Variants in ITPR3 observed in about 807,000 individuals in gnomAD.
The protein encoded by ITPR3 is inositol 1,4,5-trisphosphate receptor type 3, also known as inositol 1,4,5-trisphosphate-gated calcium channel ITPR3.
In ITPR3, 173 loss-of-function variants were observed where a neutral mutation model predicts 293.2. The observed-to-expected ratio is 0.59, with a 90% CI of 0.52 to 0.67. The LOEUF (loss-of-function observed/expected upper bound fraction) is 0.67. Among genes scored for constraint, ITPR3 ranks in the 30% least tolerant of loss-of-function variants. The pLI, the probability that ITPR3 is intolerant of heterozygous loss-of-function variation, is 0.00. For synonymous variants in ITPR3, 1,295 were observed against 1,444.4 expected (o/e 0.90, Z 2.35); for missense variants, 2,796 against 3,592.1 (o/e 0.78, Z 5.66).
intron 28 of ITPR3, 95 bp downstream of exon 28, chr6:33,677,724 C>T (rs1764947999): frequency 1.3e-5 from 19 of 1,463,844 alleles, no homozygotes; most frequent in Non-Finnish European, 1.8e-5. Flanking sequence ...GCAACCTCTC[C>T]CAGCCTCGCC....
Position 33,672,342 on chromosome 6 carries a change from A to T in ITPR3, c.2928+114A>T. On this transcript the variant is annotated intron_variant, in intron 22 of 57. Coordinates refer to ENST00000605930, the MANE Select transcript of ITPR3 (RefSeq NM_002224.4). The surrounding 1 kb of genome is among the most constrained non-coding windows in gnomAD (Gnocchi z 5.0). ...TCAGATCTCAGTATTTAGTACTGGA[A>T]GTCTCCATCGTGACTGGCTGTCAGG... The T allele has an allele frequency of 1.1e-6, 1 of 911,344 alleles. No homozygotes were observed. The highest frequency in any genetic ancestry group is 1.7e-6 in the Non-Finnish European group (1 of 604,954). 56.5% of individuals were successfully genotyped at this position (911,344 alleles called of 1,614,324 possible). A position where few individuals can be genotyped will look rare whatever the true frequency, so the allele number is the denominator to read the frequency against.
intron 28 of ITPR3, among the ~76,000 whole-genome samples, chr6:33,678,062 A>G (rs941277853): frequency 2.6e-5 from 4 of 151,852 alleles, no homozygotes; most frequent in South Asian, 4.2e-4. Flanking sequence ...TCATCCTGAC[A>G]TCTTATGCTG....
intron 2 of ITPR3, among the ~76,000 whole-genome samples, chr6:33,643,637 C>T (rs965916312): frequency 3.9e-5 from 6 of 152,192 alleles, no homozygotes; most frequent in African/African-American, 1.4e-4. Flanking sequence ...TCTTTTCCTC[C>T]TCCTGTTGGG....
chr6:33,661,325 C>T (rs905921109), intron 7 of ITPR3, among the ~76,000 whole-genome samples: 28 of 152,244 alleles, frequency 1.8e-4, no homozygotes, highest in Admixed American at 1.1e-3. Flanking sequence ...GCCTGCTGGG[C>T]GGCAGGCTCA....
rs560536438 is a variant in ITPR3, at chr6:33,655,129, A to G, written c.161-637A>G. ...CCTAAGATGGGTGAATTCTTGAGGA[A>G]GTTCTCAGGAGAACACAGTGAGGGA... On this transcript the variant is annotated intron_variant, in intron 2 of 57. Transcript: ENST00000605930. This position sits in a 1 kb window ranked among gnomAD's most constrained non-coding sequence, Gnocchi z 4.9. 1.3e-5 allele frequency among the ~76,000 whole-genome samples: 2 copies of G among 152,354 alleles called. No homozygotes were observed. Among genetic ancestry groups the G allele is most frequent in the South Asian group, 4.1e-4 (2 of 4,826 alleles).
intron 2 of ITPR3, among the ~76,000 whole-genome samples, chr6:33,643,429 A>G (rs1225509202): frequency 6.6e-6 from 1 of 152,062 alleles, no homozygotes; most frequent in Non-Finnish European, 1.5e-5. Context: ...AAGCCCCAAC[A>G]TGTTCAGGGA....
intron 20 of ITPR3, 52 bp from the exon 21 acceptor site, chr6:33,671,113 G>A (rs928122020): frequency 3.1e-6 from 5 of 1,604,810 alleles, no homozygotes; most frequent in South Asian, 2.2e-5. Flanking sequence ...ACGAAGCCCC[G>A]CCCCTACGCG....
At position 33,684,534 on chromosome 6, in the gene ITPR3, C is replaced by T. The variant is rs576382869; in HGVS notation, c.5047-64C>T. On this transcript the variant is annotated intron_variant, in intron 37 of 57. Coordinates refer to ENST00000605930, the MANE Select transcript of ITPR3 (RefSeq NM_002224.4). This position sits in a 1 kb window ranked among gnomAD's most constrained non-coding sequence, Gnocchi z 4.2. Reference sequence around the variant, plus strand: ...GTACCCAGGGGCTCAGGGTCAAGCCCGTCAGGCCAGTGGTCAGTGGTGGGC... The same window carrying T: ...GTACCCAGGGGCTCAGGGTCAAGCCTGTCAGGCCAGTGGTCAGTGGTGGGC... 6.2e-6 allele frequency: 10 copies of T among 1,606,084 alleles called. No individual in the cohort carries two copies. The highest frequency in any genetic ancestry group is 4.0e-5 in the African/African-American group (3 of 74,872).
chr6:33,684,441 CAAG>C lies in ITPR3; in HGVS notation c.5027_5029del (p.Lys1676del), dbSNP rs751415646. On this transcript the variant is annotated inframe_deletion, in exon 37 of 58. Coordinates refer to ENST00000605930, the MANE Select transcript of ITPR3 (RefSeq NM_002224.4). This position sits in a 1 kb window ranked among gnomAD's most constrained non-coding sequence, Gnocchi z 4.2. The stretch of plus-strand genomic sequence containing the variant: ...TGCGGACCCTGCAGCAGATGCTGCT[CAAG>C]AAGACCAAGTACGGGGACCGGGTGA... 3.5e-5 allele frequency: 56 copies of C among 1,613,834 alleles called. No homozygotes were observed. The highest frequency in any genetic ancestry group is 4.7e-5 in the Non-Finnish European group (56 of 1,179,908).
At chr6:33,645,589 TGG>T (rs1764048375) in intron 2 of ITPR3, among the ~76,000 whole-genome samples, 6 of 151,972 alleles carry the variant, frequency 3.9e-5, no homozygotes, top group Admixed American at 3.9e-4. Flanking sequence ...ATGTTCTGAG[TGG>T]GGGGATTACT....
intron 7 of ITPR3, among the ~76,000 whole-genome samples, chr6:33,661,846 A>C (rs1159374425): frequency 7.8e-6 from 1 of 128,564 alleles, no homozygotes; most frequent in East Asian, 2.0e-4. Context: ...AATAAAATAA[A>C]TTAGCCGGGC....
chr6:33,684,558 G>T lies in ITPR3; in HGVS notation c.5047-40G>T. On this transcript the variant is annotated intron_variant, in intron 37 of 57. Coordinates refer to ENST00000605930, the MANE Select transcript of ITPR3 (RefSeq NM_002224.4). This position sits in a 1 kb window ranked among gnomAD's most constrained non-coding sequence, Gnocchi z 4.2. ...CCGTCAGGCCAGTGGTCAGTGGTGG[G>T]CTGTACCCACAATGGGGCCTCACTC... 6.2e-7 allele frequency: 1 copy of T among 1,609,354 alleles called. No individual in the cohort carries two copies. The highest frequency in any genetic ancestry group is 8.5e-7 in the Non-Finnish European group (1 of 1,175,820).
At position 33,687,248 on chromosome 6, in the gene ITPR3, A is replaced by C; in HGVS notation, c.6098A>C (p.Tyr2033Ser). The change falls in exon 45 of 58, where the codon TAC (tyrosine) becomes TCC (serine). Residue 2033 changes from tyrosine (Y) to serine (S), a missense_variant. Tyr to Ser is a moderately radical substitution (Grantham distance 144, BLOSUM62 -2). Coordinates refer to ENST00000605930, the MANE Select transcript of ITPR3 (RefSeq NM_002224.4). This position sits in a 1 kb window ranked among gnomAD's most constrained non-coding sequence, Gnocchi z 5.3. ...QELVDVIKKA[Y>S]LQEEERENSE... ...CAGGTGGACGTCATCAAGAAGGCCT[A>C]CCTGCAGGAGGAAGAGCGTGAGAAC... The C allele has an allele frequency of 6.2e-7, 1 of 1,612,996 alleles. No homozygotes were observed. The highest frequency in any genetic ancestry group is 8.5e-7 in the Non-Finnish European group (1 of 1,179,136).
chr6:33,641,354 G>C (rs929077840), intron 2 of ITPR3, among the ~76,000 whole-genome samples: 2 of 152,218 alleles, frequency 1.3e-5, no homozygotes. Flanking sequence ...AAGTCTGCCC[G>C]CGTGGCTGCT....
chr6:33,659,882 G>A (rs988062004), intron 7 of ITPR3, among the ~76,000 whole-genome samples: 3 of 152,058 alleles, frequency 2.0e-5, no homozygotes, highest in Non-Finnish European at 4.4e-5. Flanking sequence ...CCCAACTCCT[G>A]CTGCCTGGAT....
Position 33,683,346 on chromosome 6 carries a change from C to A in ITPR3, c.4737C>A (p.Val1579=). 6.3e-7 allele frequency: 1 copy of A among 1,596,242 alleles called. No homozygotes were observed. Among genetic ancestry groups the A allele is most frequent in the Non-Finnish European group, 8.5e-7 (1 of 1,171,898 alleles). Residue 1579 remains valine (V), a synonymous_variant, in exon 35 of 58, where the codon GTC becomes GTA. Transcript: ENST00000605930. The surrounding 1 kb of genome is among the most constrained non-coding windows in gnomAD (Gnocchi z 4.5). ...YKATTRAFPR[V]TPTANQWDYK... ...CAACCACGCGGGCCTTCCCCCGCGTCACCCCCACCGCCAACCAGTGGGACT... is the reference window on the plus strand; with the variant it reads ...CAACCACGCGGGCCTTCCCCCGCGTAACCCCCACCGCCAACCAGTGGGACT...
chr6:33,651,903 A>C (rs1764200153), intron 2 of ITPR3, among the ~76,000 whole-genome samples: 1 of 152,148 alleles, frequency 6.6e-6, no homozygotes, highest in African/African-American at 2.4e-5. Context: ...TTTATTTCTT[A>C]GGTGAGTCAA....
chr6:33,652,226 G>T (rs1322649369), intron 2 of ITPR3, among the ~76,000 whole-genome samples: 1 of 152,004 alleles, frequency 6.6e-6, no homozygotes. Flanking sequence ...TGTGTGCCTC[G>T]TAACCTCTTC....
At chr6:33,659,156 C>G in intron 6 of ITPR3, 37 bp downstream of exon 6, 1 of 1,559,730 alleles carries the variant, frequency 6.4e-7, no homozygotes, top group Non-Finnish European at 8.8e-7. Context: ...AGTGCAGGGA[C>G]GTCCACACAC....
Sources: gnomAD v4.1 joint callset for allele counts (sites outside exome capture counted in the v4.1 genomes callset) on GRCh38, gnomAD v4.1.1 for gene constraint, Gnocchi (gnomAD v3.1) non-coding constraint, MANE v1.5 for transcripts, NCBI Gene and HGNC (gene_info 2026-07-23, HGNC 2026-07-21) for gene names.